CNTN1: variants seen among roughly 807,000 people sequenced by gnomAD.
CNTN1 encodes contactin-1.
In CNTN1, 38 loss-of-function variants were observed where a neutral mutation model predicts 126.4. The observed-to-expected ratio is 0.30, with a 90% CI of 0.23 to 0.39. The LOEUF is 0.39. Among genes scored for constraint, CNTN1 ranks in the 10% least tolerant of loss-of-function variants. The pLI is 1.00. For missense variants in CNTN1, 1,009 were observed against 1,248.4 expected, an observed-to-expected ratio of 0.81 and a Z score of 2.89; for synonymous variants, 413 against 422.6, an observed-to-expected ratio of 0.98 and a Z score of 0.28.
In CNTN1 at chr12:40,992,359, T is replaced by C. The variant is rs190266726; in HGVS notation, c.1964-761T>C. On this transcript the variant is annotated intron_variant, in intron 16 of 23. Coordinates refer to ENST00000551295, the MANE Select transcript of CNTN1 (RefSeq NM_001843.4). ...CTTCCCTAAATGATAAGATATTGCG[T>C]CATAGACAAGCCTACAGGTACAGGT... is the stretch of plus-strand genomic sequence containing the variant. Among the ~76,000 whole-genome samples the C allele has an allele frequency of 1.6e-4, 25 of 152,296 alleles. No individual in the cohort carries two copies. The South Asian group carries it at 5.0e-3, about 30-fold the overall frequency.
intron 15 of CNTN1, among the ~76,000 whole-genome samples, chr12:40,971,213 G>A (rs1367934306): frequency 1.3e-5 from 2 of 152,182 alleles, no homozygotes; most frequent in Non-Finnish European, 2.9e-5. Context: ...TAGAAAGTCA[G>A]TCACTGTGTA....
chr12:40,825,387 A>G (rs924979237), intron 1 of CNTN1, among the ~76,000 whole-genome samples: 7 of 152,158 alleles, frequency 4.6e-5, no homozygotes, highest in Non-Finnish European at 7.4e-5. Flanking sequence ...AATAGAGATA[A>G]CAGATTTATA....
intron 1 of CNTN1, among the ~76,000 whole-genome samples, chr12:40,900,060 A>G (rs1365095835): frequency 6.6e-6 from 1 of 152,170 alleles, no homozygotes; most frequent in Non-Finnish European, 1.5e-5. Context: ...AAGTCAGTCC[A>G]TCTCTAGAAA....
At chr12:40,830,782 A>C (rs1389193484) in intron 1 of CNTN1, among the ~76,000 whole-genome samples, 2 of 110,106 alleles carry the variant, frequency 1.8e-5, no homozygotes, top group Admixed American at 1.1e-4. Flanking sequence ...GAGAGGGAGA[A>C]AGTATAGTGT....
At chr12:40,833,117 G>A (rs1402513427) in intron 1 of CNTN1, among the ~76,000 whole-genome samples, 2 of 151,800 alleles carry the variant, frequency 1.3e-5, no homozygotes, top group African/African-American at 2.4e-5. Context: ...GTCCAGTGGC[G>A]CAGTCTCGGC....
chr12:41,036,504 G>A (rs1949269469), intron 23 of CNTN1, among the ~76,000 whole-genome samples: 1 of 152,088 alleles, frequency 6.6e-6, no homozygotes, highest in South Asian at 2.1e-4. Flanking sequence ...TTCTAAATCA[G>A]TTTCATGGTA....
At chr12:40,737,278 GAT>G (rs972556991) in intron 1 of CNTN1, among the ~76,000 whole-genome samples, 2 of 46,742 alleles carry the variant, frequency 4.3e-5, no homozygotes, top group African/African-American at 7.5e-5. Flanking sequence ...GAACTAATAG[GAT>G]ATATATGTGT....
In CNTN1 at chr12:40,743,081, A is replaced by G. The variant is rs181663022; in HGVS notation, c.-77+50489A>G. On this transcript the variant is annotated intron_variant, in intron 1 of 23. Transcript: ENST00000551295. ...GCCGGGGGAATGGGAGGCTTCATTA[A>G]AGAAGAAATGTCTGAGTCTTGTTGT... Among the ~76,000 whole-genome samples the G allele has an allele frequency of 4.8e-4, 73 of 152,188 alleles. 1 individual carries two copies. Among genetic ancestry groups the G allele is most frequent in the African/African-American group, 1.6e-3 (68 of 41,548 alleles).
At chr12:41,021,090 G>A (rs1380794495) in intron 20 of CNTN1, among the ~76,000 whole-genome samples, 1 of 152,168 alleles carries the variant, frequency 6.6e-6, no homozygotes, top group East Asian at 1.9e-4. Context: ...TGTAGGAAAT[G>A]TGAAATCATC....
intron 1 of CNTN1, among the ~76,000 whole-genome samples, chr12:40,894,025 C>G (rs902308153): frequency 6.6e-6 from 1 of 152,128 alleles, no homozygotes; most frequent in Admixed American, 6.5e-5. Flanking sequence ...GGCAAACACT[C>G]ATCCCTGAAT....
chr12:40,948,258 C>CTTTTTTT (rs58087551), intron 14 of CNTN1, among the ~76,000 whole-genome samples: 47 of 62,692 alleles, frequency 7.5e-4, no homozygotes, highest in South Asian at 1.4e-3. Flanking sequence ...TTCTTTCTTT[C>CTTTTTTT]TTTTTTTTTT....
chr12:40,801,927 G>A (rs925848466), intron 1 of CNTN1, among the ~76,000 whole-genome samples: 2 of 151,634 alleles, frequency 1.3e-5, no homozygotes, highest in African/African-American at 2.4e-5. Context: ...TAGATTATGA[G>A]GGCTCGAACT....
At chr12:40,979,730 T>C (rs1947771503) in intron 15 of CNTN1, among the ~76,000 whole-genome samples, 1 of 152,050 alleles carries the variant, frequency 6.6e-6, no homozygotes, top group Non-Finnish European at 1.5e-5. Context: ...TCTCTTATTT[T>C]TATTTGTCTT....
chr12:41,015,042 T>C (rs1460612805), intron 18 of CNTN1, among the ~76,000 whole-genome samples: 1 of 152,190 alleles, frequency 6.6e-6, no homozygotes, highest in Non-Finnish European at 1.5e-5. Flanking sequence ...CTCCAAAGGA[T>C]TTTGAAGACT....
At position 41,014,089 on chromosome 12, in the gene CNTN1, G is replaced by T. The variant is rs1422804607; in HGVS notation, c.2114-139G>T. The T allele has an allele frequency of 1.1e-5, 8 of 722,816 alleles. No homozygotes were observed. In the Admixed American group the frequency reaches 1.8e-4, roughly 16 times the overall value. The allele number at this position is 722,816 out of a possible 1,614,324, so 44.8% of individuals were successfully genotyped here. A position where few individuals can be genotyped will look rare whatever the true frequency, so the allele number is the denominator to read the frequency against. On this transcript the variant is annotated intron_variant, in intron 17 of 23. Transcript: ENST00000551295. ...GAGCCATTGTTATTATAATTGAGTG[G>T]ATCATTTGTCCAGTATGTTTTTCCT...
intron 16 of CNTN1, among the ~76,000 whole-genome samples, chr12:40,992,162 A>C (rs1445067544): frequency 1.3e-5 from 2 of 152,172 alleles, no homozygotes; most frequent in Non-Finnish European, 2.9e-5. Context: ...TAGATGGCAA[A>C]AGTAGTGTCT....
Position 40,790,675 on chromosome 12 carries a change from T to C in CNTN1, c.-77+98083T>C, listed in dbSNP as rs569743860. On this transcript the variant is annotated intron_variant, in intron 1 of 23. Transcript: ENST00000551295. ...TACAGCACCCCTCATTCAAAACCAC[T>C]TTCCAATCTTAGGGGAGAATTTTCT... Among the ~76,000 whole-genome samples, 114 of 152,160 alleles carry C rather than the reference T, an allele frequency of 7.5e-4. No individual in the cohort carries two copies. In the Middle Eastern group the frequency reaches 0.01, roughly 14 times the overall value.
At chr12:40,925,037 T>A (rs1945594082) in intron 6 of CNTN1, among the ~76,000 whole-genome samples, 1 of 151,694 alleles carries the variant, frequency 6.6e-6, no homozygotes, top group Non-Finnish European at 1.5e-5. Context: ...TATGAAATAC[T>A]GTGAACTGTA....
At chr12:40,974,692 A>T (rs949289493) in intron 15 of CNTN1, among the ~76,000 whole-genome samples, 2 of 152,058 alleles carry the variant, frequency 1.3e-5, no homozygotes, top group African/African-American at 4.8e-5. Flanking sequence ...TAACTTTGAC[A>T]TTTACTTGCT....
Sources: allele counts gnomAD v4.1 joint callset (sites outside exome capture counted in the v4.1 genomes callset), GRCh38; gene constraint gnomAD v4.1.1; transcripts MANE v1.5; gene names NCBI Gene and HGNC (gene_info 2026-07-23, HGNC 2026-07-21).